The following TET3 variants were observed in gnomAD, a reference collection of about 807,000 sequenced individuals.
The protein encoded by TET3 is methylcytosine dioxygenase TET3.
A neutral mutation model predicts 141.4 loss-of-function variants in TET3; 19 were observed. The observed-to-expected ratio is 0.13, with a 90% CI of 0.09 to 0.20. The LOEUF is 0.20. Ranked by LOEUF, TET3 falls within the 10% of genes least tolerant of loss-of-function variation. The probability of loss-of-function intolerance (pLI) is 1.00; values close to 1 mark genes in which losing one functional copy is unlikely to be tolerated. For synonymous variants in TET3, 1,043 were observed against 980.9 expected, an observed-to-expected ratio of 1.06 and a Z score of -1.18; for missense variants, 1,874 against 2,356.9, an observed-to-expected ratio of 0.80 and a Z score of 4.24.
intron 2 of TET3, among the ~76,000 whole-genome samples, chr2:73,999,425 G>A (rs185346677): frequency 1.8e-4 from 27 of 152,304 alleles, no homozygotes; most frequent in African/African-American, 6.5e-4. Context: ...CCTGACATGG[G>A]GTTGGTGCTT....
At chr2:74,008,960 G>C (rs1437963228) in intron 3 of TET3, among the ~76,000 whole-genome samples, 2 of 152,132 alleles carry the variant, frequency 1.3e-5, no homozygotes, top group Non-Finnish European at 2.9e-5. Context: ...CTAACCTCAT[G>C]GGCTTTGCAA....
chr2:74,003,201 T>C, intron 3 of TET3, 35 bp downstream of exon 3: 2 of 1,452,532 alleles, frequency 1.4e-6, no homozygotes, highest in Middle Eastern at 1.7e-4. Context: ...TGTGTGCGTG[T>C]GTGTGGTGGC....
chr2:74,061,105 C>A (rs561740827), intron 4 of TET3, among the ~76,000 whole-genome samples: 14 of 151,200 alleles, frequency 9.3e-5, no homozygotes, highest in Admixed American at 3.3e-4. Flanking sequence ...GCAGAGGCGC[C>A]CCTCACCTAC....
intron 2 of TET3, among the ~76,000 whole-genome samples, chr2:73,994,094 A>G (rs748449617): frequency 4.6e-5 from 7 of 152,164 alleles, no homozygotes; most frequent in Non-Finnish European, 1.0e-4. Flanking sequence ...AGTAAGACTC[A>G]ATGGGATTTA....
chr2:74,030,850 C>T (rs1432123802), intron 3 of TET3, among the ~76,000 whole-genome samples: 1 of 152,150 alleles, frequency 6.6e-6, no homozygotes, highest in Non-Finnish European at 1.5e-5. Context: ...AAATGCTCTA[C>T]AGGAGCAGTT....
Position 74,100,864 on chromosome 2 carries a change from C to T in TET3, c.4076C>T (p.Pro1359Leu). The T allele has an allele frequency of 6.2e-7, 1 of 1,611,464 alleles. No individual in the cohort carries two copies. The highest frequency in any genetic ancestry group is 8.5e-7 in the Non-Finnish European group (1 of 1,178,970). Residue 1359 changes from proline to leucine, a missense_variant, in exon 12 of 12, where the codon CCT (proline) becomes CTT (leucine). By Grantham distance (98) the Pro-to-Leu change is moderately conservative. Around this residue, in one of 10 missense-constraint regions of TET3, gnomAD observed 602 missense variants for 590.2 expected, o/e 1.02. Coordinates refer to ENST00000409262, the MANE Select transcript of TET3 (RefSeq NM_001287491.2). Reference protein sequence around the residue: ...AHHPTPHHQQPAYPGPKEYLL... With the variant: ...AHHPTPHHQQLAYPGPKEYLL... ...CACCCCACTCCTCACCACCAGCAGCCTGCGTACCCAGGCCCCAAGGAGTAT... is the reference window on the plus strand; with the variant it reads ...CACCCCACTCCTCACCACCAGCAGCTTGCGTACCCAGGCCCCAAGGAGTAT...
chr2:73,994,422 C>G (rs1573636224), intron 2 of TET3, among the ~76,000 whole-genome samples: 1 of 152,202 alleles, frequency 6.6e-6, no homozygotes, highest in East Asian at 1.9e-4. Context: ...AATTGTCTAG[C>G]ATTTATGACT....
intron 4 of TET3, among the ~76,000 whole-genome samples, chr2:74,061,951 A>G (rs947165115): frequency 8.4e-4 from 126 of 149,170 alleles, no homozygotes; most frequent in Non-Finnish European, 1.5e-3. Flanking sequence ...GCAGCCAGGC[A>G]GAGGGGCTCC....
chr2:74,124,721 A>G, the TET3 span, among the ~76,000 whole-genome samples: 2 of 152,144 alleles, frequency 1.3e-5, no homozygotes, highest in Non-Finnish European at 2.9e-5. Flanking sequence ...AGATGCTTGA[A>G]GGCAGCATGC....
intron 5 of TET3, among the ~76,000 whole-genome samples, chr2:74,078,815 CTG>C (rs1339997922): frequency 6.6e-6 from 1 of 152,132 alleles, no homozygotes; most frequent in Non-Finnish European, 1.5e-5. Context: ...TTATAGTATG[CTG>C]TGTTAATTGC....
chr2:74,087,681 T>TGCCC lies in TET3; in HGVS notation c.2680-149_2680-148insGCCC. On this transcript the variant is annotated intron_variant, in intron 6 of 11. Transcript: ENST00000409262. The surrounding 1 kb of genome is among the most constrained non-coding windows in gnomAD (Gnocchi z 4.3). ...TGTTCCCTAATAATGGTCTCTTAGC[T>TGCCC]TGTAAGGTTGCTGTCTTCAGGGCAT... The TGCCC allele has an allele frequency of 1.7e-6, 1 of 605,704 alleles. No individual in the cohort carries two copies. The highest frequency in any genetic ancestry group is 2.7e-6 in the Non-Finnish European group (1 of 365,976). 37.5% of individuals were successfully genotyped at this position (605,704 alleles called of 1,614,324 possible).
At chr2:74,062,552 A>T (rs1373368016) in intron 4 of TET3, among the ~76,000 whole-genome samples, 2 of 152,234 alleles carry the variant, frequency 1.3e-5, no homozygotes, top group Non-Finnish European at 2.9e-5. Context: ...GGGAGAAATT[A>T]TAGAGGTGCT....
chr2:74,132,057 C>T, the TET3 span, among the ~76,000 whole-genome samples: 232 of 152,230 alleles, frequency 1.5e-3, 5 homozygotes, highest in Admixed American at 3.2e-3. Context: ...GGTTCCTAGG[C>T]GGCTTGGCCC....
intron 3 of TET3, among the ~76,000 whole-genome samples, chr2:74,009,247 A>G (rs1397051671): frequency 6.6e-6 from 1 of 152,088 alleles, no homozygotes; most frequent in African/African-American, 2.4e-5. Flanking sequence ...CACTCTGCAG[A>G]TGGGGAAGAG....
intron 4 of TET3, among the ~76,000 whole-genome samples, chr2:74,056,479 A>G (rs1688218773): frequency 6.6e-6 from 1 of 152,176 alleles, no homozygotes; most frequent in African/African-American, 2.4e-5. Context: ...TTTCTCAAAA[A>G]TTGGATTTTG....
chr2:73,998,872 A>G (rs535650955), intron 2 of TET3, among the ~76,000 whole-genome samples: 2 of 152,094 alleles, frequency 1.3e-5, no homozygotes, highest in South Asian at 4.1e-4. Flanking sequence ...GTCAATTCCA[A>G]GTGCCTTCAG....
At chr2:74,004,437 G>A (rs1573663319) in intron 3 of TET3, among the ~76,000 whole-genome samples, 1 of 152,288 alleles carries the variant, frequency 6.6e-6, no homozygotes, top group African/African-American at 2.4e-5. Context: ...TTCCCACGTG[G>A]GGGATAGGGA....
At chr2:74,033,405 C>G (rs1234846714) in intron 3 of TET3, among the ~76,000 whole-genome samples, 2 of 152,140 alleles carry the variant, frequency 1.3e-5, no homozygotes, top group Non-Finnish European at 2.9e-5. Context: ...ATGTACTTCC[C>G]CCATCATAAA....
At chr2:74,128,913 G>A in the TET3 span, among the ~76,000 whole-genome samples, 9 of 142,270 alleles carry the variant, frequency 6.3e-5, no homozygotes, top group South Asian at 2.4e-4. Flanking sequence ...GATCAGCTGA[G>A]CCCCAGAAGT....
Sources: allele counts gnomAD v4.1 joint callset (sites outside exome capture counted in the v4.1 genomes callset), GRCh38; gene constraint gnomAD v4.1.1; regional missense constraint gnomAD v4.1.1; non-coding constraint Gnocchi (gnomAD v3.1); transcripts MANE v1.5; gene names NCBI Gene and HGNC (gene_info 2026-07-23, HGNC 2026-07-21).